PLEK: variants seen among roughly 807,000 people sequenced by gnomAD.
PLEK encodes the protein pleckstrin, also known as platelet 47 kDa protein.
A neutral mutation model predicts 43.9 loss-of-function variants in PLEK; 25 were observed. The observed-to-expected ratio is 0.57, with a 90% CI of 0.41 to 0.79. The LOEUF (loss-of-function observed/expected upper bound fraction) is 0.79. Among genes scored for constraint, PLEK ranks in the 30% least tolerant of loss-of-function variants. PLEK has a pLI of 0.00. For missense variants in PLEK, 396 were observed against 413.3 expected (o/e 0.96, Z 0.36); for synonymous variants, 152 against 144.4 (o/e 1.05, Z -0.38).
intron 6 of PLEK, among the ~76,000 whole-genome samples, chr2:68,391,794 T>C (rs1673863935): frequency 6.6e-6 from 1 of 152,242 alleles, no homozygotes; most frequent in East Asian, 1.9e-4. Context: ...ATATTTCTTG[T>C]ATTGGCAAGA....
chr2:68,369,436 A>G (rs562723583), intron 1 of PLEK, among the ~76,000 whole-genome samples: 1 of 151,306 alleles, frequency 6.6e-6, no homozygotes, highest in East Asian at 1.9e-4. Flanking sequence ...ACCCAGGGGA[A>G]CATTATGCCA....
At chr2:68,387,589 A>G (rs1228880443) in intron 5 of PLEK, among the ~76,000 whole-genome samples, 1 of 152,176 alleles carries the variant, frequency 6.6e-6, no homozygotes, top group Admixed American at 6.5e-5. Context: ...ACTATATTAT[A>G]CAATGTGAAC....
intron 1 of PLEK, among the ~76,000 whole-genome samples, chr2:68,366,405 G>A (rs1161235631): frequency 6.6e-6 from 1 of 152,206 alleles, no homozygotes; most frequent in Non-Finnish European, 1.5e-5. Flanking sequence ...TAGGTCATCT[G>A]GCCTAATTCC....
At chr2:68,393,960 C>CCTT (rs759379651) in intron 7 of PLEK, 147 bp from the exon 8 acceptor site, 88 of 594,148 alleles carry the variant, frequency 1.5e-4, no homozygotes, top group Non-Finnish European at 2.5e-4. Context: ...GATCTGTCAG[C>CCTT]AGTTTTTCTT....
At chr2:68,389,128 G>A (rs940231383) in intron 6 of PLEK, among the ~76,000 whole-genome samples, 7 of 152,240 alleles carry the variant, frequency 4.6e-5, no homozygotes, top group African/African-American at 9.6e-5. Flanking sequence ...GCTCTAGTCG[G>A]TTACCAGGTG....
At chr2:68,392,261 A>G (rs75183056) in intron 6 of PLEK, among the ~76,000 whole-genome samples, 2,764 of 146,662 alleles carry the variant, frequency 0.019, 67 homozygotes, top group African/African-American at 0.07. Flanking sequence ...AGGCATTTCC[A>G]TTCCTACTGC....
rs759169301 is a variant in PLEK at position 68,394,202 on chromosome 2, G to C, written c.916+26G>C. On this transcript the variant is annotated intron_variant, in intron 8 of 8. Coordinates refer to ENST00000234313, the MANE Select transcript of PLEK (RefSeq NM_002664.3). ...GTAAGATGAATTTCTGTGTGAGAGA[G>C]GTGGGTCTGCTCAGACTCCCCTCCC... 3 of 1,428,388 alleles carry C rather than the reference G, an allele frequency of 2.1e-6. No homozygotes were observed. In the South Asian group the frequency reaches 3.4e-5, roughly 16 times the overall value. The allele number at this position is 1,428,388 out of a possible 1,614,324, so 88.5% of individuals were successfully genotyped here. A position where few individuals can be genotyped will look rare whatever the true frequency, so the allele number is the denominator to read the frequency against.
In PLEK at chr2:68,365,398, G is replaced by A. The variant is rs759149202; in HGVS notation, c.42+5G>A. ...GAGGGCTACCTTGTGAAGAAGGTGA[G>A]CGAAGGTGCCACTTACCAGGGTGTC... On this transcript the variant is annotated splice_donor_5th_base_variant and intron_variant, in intron 1 of 8. Coordinates refer to ENST00000234313, the MANE Select transcript of PLEK (RefSeq NM_002664.3). 6 of 1,612,902 alleles carry A rather than the reference G, an allele frequency of 3.7e-6. No homozygotes were observed. The Admixed American group carries it at 1.0e-4, about 27-fold the overall frequency.
intron 1 of PLEK, among the ~76,000 whole-genome samples, chr2:68,367,646 A>C (rs1244319364): frequency 2.0e-5 from 3 of 152,254 alleles, no homozygotes; most frequent in Non-Finnish European, 2.9e-5. Flanking sequence ...ATTGGTGTAC[A>C]TAAGCTGCAT....
chr2:68,386,793 T>G (rs1673753090), intron 5 of PLEK, 107 bp downstream of exon 5: 1 of 811,222 alleles, frequency 1.2e-6, no homozygotes, highest in African/African-American at 1.7e-5. Flanking sequence ...AGGCAGCGGG[T>G]AGGGAGGTCA....
chr2:68,375,223 T>C (rs1673480323), intron 1 of PLEK, among the ~76,000 whole-genome samples: 1 of 152,232 alleles, frequency 6.6e-6, no homozygotes, highest in African/African-American at 2.4e-5. Flanking sequence ...TTGAAAATGC[T>C]AGGTACTCTA....
Position 68,382,860 on chromosome 2 carries a change from T to G in PLEK, c.472+227T>G, listed in dbSNP as rs144392207. ...TTTATTTGTTCAAGTTAACATTTGT[T>G]CAAGCTAACGTTCCAATCAAAGGAT... On this transcript the variant is annotated intron_variant, in intron 4 of 8. Transcript: ENST00000234313. 4.1e-3 allele frequency among the ~76,000 whole-genome samples: 630 copies of G among 152,290 alleles called. 5 individuals are homozygous for G. The highest frequency in any genetic ancestry group is 0.014 in the African/African-American group (587 of 41,550).
chr2:68,369,582 G>C (rs748992914), intron 1 of PLEK, among the ~76,000 whole-genome samples: 1 of 149,078 alleles, frequency 6.7e-6, no homozygotes, highest in Non-Finnish European at 1.5e-5. Flanking sequence ...CCCCAAAACC[G>C]TACTTTTACC....
intron 1 of PLEK, among the ~76,000 whole-genome samples, chr2:68,374,009 T>A (rs1265646918): frequency 6.6e-6 from 1 of 152,220 alleles, no homozygotes; most frequent in Admixed American, 6.5e-5. Flanking sequence ...AGGAAACTAG[T>A]ACCATTATTC....
At chr2:68,368,228 G>A (rs186384150) in intron 1 of PLEK, among the ~76,000 whole-genome samples, 1 of 152,324 alleles carries the variant, frequency 6.6e-6, no homozygotes, top group East Asian at 1.9e-4. Flanking sequence ...TAACACCCAT[G>A]TCTCTTTGCC....
chr2:68,388,560 C>T (rs1378785920), intron 6 of PLEK, 69 bp downstream of exon 6: 2 of 833,826 alleles, frequency 2.4e-6, no homozygotes, highest in African/African-American at 3.4e-5. Flanking sequence ...CTAAGTTACC[C>T]AGTGACTTTT....
intron 4 of PLEK, among the ~76,000 whole-genome samples, chr2:68,383,926 G>A (rs1207067502): frequency 6.6e-6 from 1 of 152,172 alleles, no homozygotes; most frequent in Non-Finnish European, 1.5e-5. Flanking sequence ...AGACAAGGCA[G>A]GGCTGAGATT....
chr2:68,369,870 A>G lies in PLEK; in HGVS notation c.42+4477A>G, dbSNP rs1673364187. 2.6e-5 allele frequency among the ~76,000 whole-genome samples: 4 copies of G among 152,234 alleles called. No homozygotes were observed. In the South Asian group the frequency reaches 8.3e-4, roughly 31 times the overall value. On this transcript the variant is annotated intron_variant, in intron 1 of 8. Coordinates refer to ENST00000234313, the MANE Select transcript of PLEK (RefSeq NM_002664.3). ...GTGCCATTTCTGTATTACTTATTTA[A>G]TATGTTTTCACTGATAAATTTTCCA...
intron 1 of PLEK, among the ~76,000 whole-genome samples, chr2:68,372,807 T>C (rs544777887): frequency 5.9e-5 from 9 of 152,204 alleles, no homozygotes; most frequent in African/African-American, 2.2e-4. Flanking sequence ...AAGAAATCGA[T>C]ACAGATTCCA....
Sources: allele counts gnomAD v4.1 joint callset (sites outside exome capture counted in the v4.1 genomes callset), GRCh38; gene constraint gnomAD v4.1.1; transcripts MANE v1.5; gene names NCBI Gene and HGNC (gene_info 2026-07-23, HGNC 2026-07-21).